MAG: variants seen among roughly 807,000 people sequenced by gnomAD.
MAG encodes myelin associated glycoprotein.
Under a neutral mutation model 60.7 loss-of-function variants are expected in MAG, and 30 were observed. The ratio of observed to expected loss-of-function variants is 0.49; its 90% confidence interval spans 0.37 to 0.67. MAG has a LOEUF of 0.67. MAG is among the 30% of genes least tolerant of loss of function. The pLI is 0.00. For missense variants in MAG, 795 were observed against 851.7 expected (o/e 0.93, Z 0.83); for synonymous variants, 384 against 376.8 (o/e 1.02, Z -0.22).
In MAG at chr19:35,295,489, T is replaced by C. The variant is rs532456089; in HGVS notation, c.46+35T>C. On this transcript the variant is annotated intron_variant, in intron 3 of 10. Coordinates refer to ENST00000392213, the MANE Select transcript of MAG (RefSeq NM_002361.4). The surrounding 1 kb of genome is among the most constrained non-coding windows in gnomAD (Gnocchi z 5.8). The stretch of plus-strand genomic sequence containing the variant: ...GACAGGTGCTGGGGACCTAAAGGCT[T>C]TGGCCCCTGAGCAGGTTGGAGGTGG... The C allele has an allele frequency of 1.2e-6, 2 of 1,613,648 alleles. No homozygotes were observed. Among genetic ancestry groups the C allele is most frequent in the Admixed American group, 3.3e-5 (2 of 59,956 alleles).
At chr19:35,312,050 C>A (rs1363172193) in intron 10 of MAG, 33 bp downstream of exon 10, 1 of 1,590,236 alleles carries the variant, frequency 6.3e-7, no homozygotes, top group Non-Finnish European at 8.6e-7. Flanking sequence ...GCCTGGGAAC[C>A]TGGATGCCAG....
rs2066369475 is a variant in MAG, at chr19:35,293,122, T to A, written c.-80+918T>A. Among the ~76,000 whole-genome samples, 1 of 152,146 alleles carries A rather than the reference T, an allele frequency of 6.6e-6. No individual in the cohort carries two copies. The highest frequency in any genetic ancestry group is 2.1e-4 in the South Asian group (1 of 4,822). ...CTGCCCGGGCACGTGCTCATCCTCA[T>A]CTGCATCTCTCTCCTGTACCTTCCT... On this transcript the variant is annotated intron_variant, in intron 1 of 10. Transcript: ENST00000392213. The surrounding 1 kb of genome is among the most constrained non-coding windows in gnomAD (Gnocchi z 4.0).
In MAG at chr19:35,312,268, C is replaced by T. The variant is rs1279949587; in HGVS notation, c.1716+251C>T. 2.5e-6 allele frequency: 4 copies of T among 1,613,154 alleles called. No individual in the cohort carries two copies. The East Asian group carries it at 8.9e-5, about 36-fold the overall frequency. On this transcript the variant is annotated intron_variant, in intron 10 of 10. Coordinates refer to ENST00000392213, the MANE Select transcript of MAG (RefSeq NM_002361.4). Reference sequence around the variant, plus strand: ...CCTGCCTGTGTCTGTGACTGCATTTCCTTCTCCAATAGTCCAAAGAGGTTT... The same window carrying T: ...CCTGCCTGTGTCTGTGACTGCATTTTCTTCTCCAATAGTCCAAAGAGGTTT...
Position 35,311,970 on chromosome 19 carries a change from C to A in MAG, c.1669C>A (p.Leu557Met). The change falls in exon 10 of 11, where the codon CTG (leucine) becomes ATG (methionine). Residue 557 changes from leucine to methionine, a missense_variant. Leu to Met is a conservative substitution (Grantham distance 15). Transcript: ENST00000392213. ...SFSAGDNPPV[L>M]FSSDFRISGA... ...CTCGGCAGGGGACAACCCTCCCGTC[C>A]TGTTCAGCAGCGACTTCCGCATCTC... 6.2e-7 allele frequency: 1 copy of A among 1,613,520 alleles called. No individual in the cohort carries two copies. Among genetic ancestry groups the A allele is most frequent in the Admixed American group, 1.7e-5 (1 of 59,968 alleles).
At position 35,311,906 on chromosome 19, in the gene MAG, C is replaced by CCTCTCT; in HGVS notation, c.1617-10_1617-9insCTCTCT. On this transcript the variant is annotated splice_polypyrimidine_tract_variant and intron_variant, in intron 9 of 10. Coordinates refer to ENST00000392213, the MANE Select transcript of MAG (RefSeq NM_002361.4). Reference sequence around the variant, plus strand: ...GAGGGCAGAGAGAGGTCTGACGAGTCCTGCCCTGCAGAAAGAACGTGACAG... The same window carrying CCTCTCT: ...GAGGGCAGAGAGAGGTCTGACGAGTCCTCTCTCTGCCCTGCAGAAAGAACGTGACAG... 3 of 1,599,802 alleles carry CCTCTCT rather than the reference C, an allele frequency of 1.9e-6. No individual in the cohort carries two copies. The highest frequency in any genetic ancestry group is 2.6e-6 in the Non-Finnish European group (3 of 1,168,964).
intron 7 of MAG, among the ~76,000 whole-genome samples, chr19:35,303,204 G>A (rs1030661406): frequency 5.9e-5 from 9 of 152,182 alleles, no homozygotes; most frequent in South Asian, 2.1e-4. Flanking sequence ...GATTACAGGC[G>A]TGAGCCACCA....
At chr19:35,301,471 C>T (rs140057519) in intron 6 of MAG, among the ~76,000 whole-genome samples, 135 of 128,370 alleles carry the variant, frequency 1.1e-3, no homozygotes, top group African/African-American at 3.7e-3. Flanking sequence ...CTGGCTCTGT[C>T]GCCAGGCTGG....
chr19:35,300,112 C>A (rs767782646), intron 5 of MAG, 35 bp from the exon 6 acceptor site: 1 of 1,504,910 alleles, frequency 6.6e-7, no homozygotes, highest in Non-Finnish European at 8.9e-7. Flanking sequence ...TTCCCCAGCA[C>A]CTGCTCACTA....
At chr19:35,302,392 G>T (rs924789707) in intron 6 of MAG, 56 bp from the exon 7 acceptor site, 1 of 1,597,332 alleles carries the variant, frequency 6.3e-7, no homozygotes, top group Middle Eastern at 1.8e-4. Flanking sequence ...ATGGTAGTTG[G>T]CTGGCAGAAG....
At chr19:35,296,977 C>T (rs2066402907) in intron 4 of MAG, among the ~76,000 whole-genome samples, 1 of 149,424 alleles carries the variant, frequency 6.7e-6, no homozygotes, top group African/African-American at 2.5e-5. Context: ...ACTACACACA[C>T]ACACACTGCT....
In MAG at chr19:35,295,846, G is replaced by A. The variant is rs762417392; in HGVS notation, c.280G>A (p.Asp94Asn). The A allele has an allele frequency of 1.2e-6, 2 of 1,613,900 alleles. No homozygotes were observed. The highest frequency in any genetic ancestry group is 2.7e-5 in the African/African-American group (2 of 74,940). ...CCAGGGCCGCAGCCGCCTCCTGGGGGACCTGGGCCTGCGAAACTGCACCCT... is the reference window on the plus strand; with the variant it reads ...CCAGGGCCGCAGCCGCCTCCTGGGGAACCTGGGCCTGCGAAACTGCACCCT... Reference protein sequence around the residue: ...SFQGRSRLLGDLGLRNCTLLL... With the variant: ...SFQGRSRLLGNLGLRNCTLLL... The change falls in exon 4 of 11, where the codon GAC (aspartate) becomes AAC (asparagine). Residue 94 changes from aspartate to asparagine, a missense_variant. Coordinates refer to ENST00000392213, the MANE Select transcript of MAG (RefSeq NM_002361.4). This position sits in a 1 kb window ranked among gnomAD's most constrained non-coding sequence, Gnocchi z 5.8.
At chr19:35,298,652 C>T (rs547947456) in intron 4 of MAG, among the ~76,000 whole-genome samples, 2 of 150,458 alleles carry the variant, frequency 1.3e-5, no homozygotes, top group East Asian at 3.9e-4. Context: ...ACAGCACACA[C>T]ACACCACACA....
intron 9 of MAG, 45 bp from the exon 10 acceptor site, chr19:35,311,873 C>A: frequency 7.2e-7 from 1 of 1,386,890 alleles, no homozygotes; most frequent in Non-Finnish European, 1.0e-6. Flanking sequence ...CGTGGGGGTG[C>A]AGAAAGGGAG....
intron 7 of MAG, among the ~76,000 whole-genome samples, chr19:35,303,616 C>T (rs1007469249): frequency 5.3e-5 from 8 of 152,168 alleles, no homozygotes; most frequent in South Asian, 2.1e-4. Context: ...AAAGGCTGTG[C>T]GGCTCTGTGA....
intron 6 of MAG, among the ~76,000 whole-genome samples, chr19:35,300,638 C>T (rs889316391): frequency 5.9e-5 from 9 of 152,178 alleles, no homozygotes; most frequent in Non-Finnish European, 1.3e-4. Context: ...AGGCCTGCCT[C>T]CTAGGGAAGC....
chr19:35,294,825 AC>A (rs1411557860), intron 2 of MAG, among the ~76,000 whole-genome samples: 2 of 152,198 alleles, frequency 1.3e-5, no homozygotes, highest in Admixed American at 1.3e-4. Flanking sequence ...GGTGGTGTGT[AC>A]CTGAGGTCCC....
At chr19:35,298,895 A>G (rs2066424142) in intron 4 of MAG, among the ~76,000 whole-genome samples, 1 of 151,000 alleles carries the variant, frequency 6.6e-6, no homozygotes, top group Non-Finnish European at 1.5e-5. Flanking sequence ...CTCTACACCC[A>G]CACCACACAA....
intron 9 of MAG, among the ~76,000 whole-genome samples, chr19:35,311,285 T>C (rs752149343): frequency 6.6e-6 from 1 of 151,764 alleles, no homozygotes; most frequent in Non-Finnish European, 1.5e-5. Flanking sequence ...CTGGGCAACA[T>C]AGGGAGACCC....
chr19:35,309,735 G>A (rs150902334), intron 7 of MAG, 139 bp from the exon 8 acceptor site: 2 of 880,086 alleles, frequency 2.3e-6, no homozygotes, highest in Admixed American at 2.3e-5. Flanking sequence ...GAGAAAAAAG[G>A]AGGGGAAATT....
Sources: gnomAD v4.1 joint callset for allele counts (sites outside exome capture counted in the v4.1 genomes callset) on GRCh38, gnomAD v4.1.1 for gene constraint, Gnocchi (gnomAD v3.1) non-coding constraint, MANE v1.5 for transcripts, NCBI Gene and HGNC (gene_info 2026-07-23, HGNC 2026-07-21) for gene names.